The following MYRIP variants were observed in gnomAD, a reference collection of about 807,000 sequenced individuals.
The protein encoded by MYRIP is myosin VIIA and Rab interacting protein, also known as rab effector MyRIP.
A neutral mutation model predicts 98.0 loss-of-function variants in MYRIP; 49 were observed. The observed-to-expected ratio is 0.50, with a 90% CI of 0.40 to 0.63. The LOEUF is 0.63. Among genes scored for constraint, MYRIP ranks in the 30% least tolerant of loss-of-function variants. The probability of loss-of-function intolerance (pLI) is 0.00; values close to 1 mark genes in which losing one functional copy is unlikely to be tolerated. For missense variants in MYRIP, 1,004 were observed against 1,058.2 expected, an observed-to-expected ratio of 0.95 and a Z score of 0.71; for synonymous variants, 404 against 409.5, an observed-to-expected ratio of 0.99 and a Z score of 0.16.
At chr3:40,058,440 T>G (rs1429789787) in intron 3 of MYRIP, among the ~76,000 whole-genome samples, 1 of 152,218 alleles carries the variant, frequency 6.6e-6, no homozygotes, top group Non-Finnish European at 1.5e-5. Context: ...CATTTCATTT[T>G]TTTCTGCTCA....
chr3:39,879,346 G>A lies in MYRIP; in HGVS notation c.-30-21441G>A, dbSNP rs528869574. 2.7e-5 allele frequency among the ~76,000 whole-genome samples: 4 copies of A among 150,486 alleles called. No homozygotes were observed. In the East Asian group the frequency reaches 7.8e-4, roughly 29 times the overall value. Reference sequence around the variant, plus strand: ...ATCCCAACATCTGGGTTATCTCAGGGTCTGTTTCCTTTTTCTTTGACCTTG... The same window carrying A: ...ATCCCAACATCTGGGTTATCTCAGGATCTGTTTCCTTTTTCTTTGACCTTG... On this transcript the variant is annotated intron_variant, in intron 1 of 16. Transcript: ENST00000302541.
chr3:39,945,224 C>G (rs1390808207), intron 2 of MYRIP, among the ~76,000 whole-genome samples: 1 of 146,022 alleles, frequency 6.8e-6, no homozygotes, highest in Non-Finnish European at 1.5e-5. Context: ...AATCCCAGCA[C>G]TTTGGGAGGC....
intron 3 of MYRIP, among the ~76,000 whole-genome samples, chr3:40,094,038 G>A (rs1428229421): frequency 6.6e-6 from 1 of 151,990 alleles, no homozygotes; most frequent in African/African-American, 2.4e-5. Context: ...TGCCTGGAAA[G>A]TTTCCCCTTC....
At chr3:40,200,626 T>C (rs1034092128) in intron 10 of MYRIP, among the ~76,000 whole-genome samples, 5 of 152,232 alleles carry the variant, frequency 3.3e-5, no homozygotes, top group African/African-American at 1.2e-4. Context: ...TGGCTTTTAC[T>C]TGTATGTAGC....
At chr3:40,059,568 G>A (rs778355662) in intron 3 of MYRIP, among the ~76,000 whole-genome samples, 4 of 152,114 alleles carry the variant, frequency 2.6e-5, no homozygotes, top group Admixed American at 6.5e-5. Flanking sequence ...TTTGTTGGCC[G>A]TATAAATGTC....
At chr3:39,890,170 G>A (rs968869967) in intron 1 of MYRIP, among the ~76,000 whole-genome samples, 2 of 150,580 alleles carry the variant, frequency 1.3e-5, no homozygotes, top group East Asian at 1.9e-4. Context: ...TTTTAAACTC[G>A]TTTTTTTTCC....
At chr3:39,864,020 A>G (rs1942549176) in intron 1 of MYRIP, among the ~76,000 whole-genome samples, 1 of 152,248 alleles carries the variant, frequency 6.6e-6, no homozygotes, top group African/African-American at 2.4e-5. Context: ...AATGTGATTT[A>G]TCACATAAAC....
At chr3:39,929,075 G>A (rs1944483406) in intron 2 of MYRIP, among the ~76,000 whole-genome samples, 1 of 151,940 alleles carries the variant, frequency 6.6e-6, no homozygotes, top group Non-Finnish European at 1.5e-5. Flanking sequence ...TATGGATACT[G>A]TGATAAATTG....
At chr3:39,861,596 C>T (rs1231893106) in intron 1 of MYRIP, among the ~76,000 whole-genome samples, 1 of 151,474 alleles carries the variant, frequency 6.6e-6, no homozygotes, top group Non-Finnish European at 1.5e-5. Flanking sequence ...CTATTGAATT[C>T]AATAAAATGA....
At chr3:39,867,200 T>C (rs1047920019) in intron 1 of MYRIP, among the ~76,000 whole-genome samples, 9 of 152,146 alleles carry the variant, frequency 5.9e-5, no homozygotes, top group African/African-American at 2.2e-4. Context: ...AAGGTTTAAA[T>C]GTAAGACTTG....
At chr3:39,885,301 A>G (rs1575343230) in intron 1 of MYRIP, among the ~76,000 whole-genome samples, 1 of 152,058 alleles carries the variant, frequency 6.6e-6, no homozygotes, top group East Asian at 1.9e-4. Context: ...TTTGATGTGA[A>G]AAGACAATTT....
At position 39,897,627 on chromosome 3, in the gene MYRIP, A is replaced by G. The variant is rs371071338; in HGVS notation, c.-30-3160A>G. Among the ~76,000 whole-genome samples the G allele has an allele frequency of 3.9e-5, 6 of 152,138 alleles. No homozygotes were observed. In the South Asian group the frequency reaches 1.2e-3, roughly 32 times the overall value. On this transcript the variant is annotated intron_variant, in intron 1 of 16. Coordinates refer to ENST00000302541, the MANE Select transcript of MYRIP (RefSeq NM_015460.4). ...TTTCTCATCCTTAAATGAGATTGTC[A>G]TACCTATGTGACCTCTTATTCATGG... is the stretch of plus-strand genomic sequence containing the variant.
At chr3:40,143,260 CCACCCTGT>C (rs1949945412) in intron 3 of MYRIP, among the ~76,000 whole-genome samples, 1 of 152,194 alleles carries the variant, frequency 6.6e-6, no homozygotes, top group Admixed American at 6.5e-5. Flanking sequence ...ACGCAGGATT[CCACCCTGT>C]CCTCTATTTC....
chr3:39,999,035 A>C (rs1946446955), intron 2 of MYRIP, among the ~76,000 whole-genome samples: 2 of 152,244 alleles, frequency 1.3e-5, no homozygotes, highest in Admixed American at 1.3e-4. Context: ...TTCAAGATGG[A>C]TTAAAGACTT....
At chr3:39,959,638 A>G (rs572920219) in intron 2 of MYRIP, among the ~76,000 whole-genome samples, 133 of 151,886 alleles carry the variant, frequency 8.8e-4, no homozygotes, top group Non-Finnish European at 1.2e-3. Context: ...AAACCTGTAC[A>G]TTGTGCACAT....
chr3:40,190,365 C>T lies in MYRIP; in HGVS notation c.1567C>T (p.Arg523Trp), dbSNP rs145932242. The change falls in exon 10 of 17, where the codon CGG becomes TGG. Residue 523 changes from arginine (R) to tryptophan (W), a missense_variant. By Grantham distance (101) the Arg-to-Trp change is moderately radical (BLOSUM62 -3). Around this residue, in one of 3 missense-constraint regions of MYRIP, gnomAD observed 880 missense variants for 907.7 expected, o/e 0.97. Coordinates refer to ENST00000302541, the MANE Select transcript of MYRIP (RefSeq NM_015460.4). ...PEEAPHTTDR[R>W]ARRWRRARLG... The stretch of plus-strand genomic sequence containing the variant: ...GGAGGCCCCCCACACCACAGACCGG[C>T]GGGCCAGGAGGTGGAGAAGAGCCCG... 300 of 1,613,690 alleles carry T rather than the reference C, an allele frequency of 1.9e-4. No homozygotes were observed. The highest frequency in any genetic ancestry group is 2.3e-4 in the Non-Finnish European group (274 of 1,179,904).
At chr3:40,204,214 ATT>A (rs1951729880) in intron 10 of MYRIP, among the ~76,000 whole-genome samples, 1 of 14,616 alleles carries the variant, frequency 6.8e-5, no homozygotes, top group East Asian at 4.8e-3. Context: ...ATATTTATAT[ATT>A]ATATATAAAT....
At chr3:40,169,088 C>A (rs1950558084) in intron 7 of MYRIP, among the ~76,000 whole-genome samples, 1 of 152,262 alleles carries the variant, frequency 6.6e-6, no homozygotes, top group Non-Finnish European at 1.5e-5. Flanking sequence ...CCCCCATATA[C>A]CCAACATGCA....
chr3:40,000,956 A>C (rs1468915322), intron 2 of MYRIP, among the ~76,000 whole-genome samples: 1 of 152,214 alleles, frequency 6.6e-6, no homozygotes, highest in Non-Finnish European at 1.5e-5. Flanking sequence ...TCTGCATTTC[A>C]ATGATAACTC....
Sources: allele counts gnomAD v4.1 joint callset (sites outside exome capture counted in the v4.1 genomes callset), GRCh38; gene constraint gnomAD v4.1.1; regional missense constraint gnomAD v4.1.1; transcripts MANE v1.5; gene names NCBI Gene and HGNC (gene_info 2026-07-23, HGNC 2026-07-21).